HILPDA: variants seen among roughly 807,000 people sequenced by gnomAD.
The protein encoded by HILPDA is hypoxia inducible lipid droplet associated, also known as hypoxia-inducible lipid droplet-associated protein.
For missense variants in HILPDA, 72 were observed against 73.5 expected (o/e 0.98, Z 0.08); for synonymous variants, 37 against 33.2 (o/e 1.12, Z -0.40).
chr7:128,456,188 A>G (rs1016376202), intron 1 of HILPDA, 165 bp downstream of exon 1: 8 of 338,736 alleles, frequency 2.4e-5, no homozygotes, highest in Non-Finnish European at 4.1e-5. Flanking sequence ...GTTTTGTCCT[A>G]AGGTGGTCCT....
In HILPDA at chr7:128,457,343, G is replaced by A. The variant is rs759280420; in HGVS notation, c.75G>A (p.Glu25=). The A allele has an allele frequency of 1.2e-5, 19 of 1,613,930 alleles. No homozygotes were observed. Among genetic ancestry groups the A allele is most frequent in the Non-Finnish European group, 1.5e-5 (18 of 1,179,970 alleles). The change falls in exon 2 of 2, where the codon GAG becomes GAA. Residue 25 remains glutamate, a synonymous_variant. Transcript: ENST00000257696. ...TLLSIFVRVM[E]SLEGLLESPS... ...TCTCCATCTTCGTTAGAGTGATGGA[G>A]TCCCTAGAGGGCTTACTAGAGAGCC...
Position 128,458,334 on chromosome 7 carries a change from A to C in HILPDA, c.*874A>C, listed in dbSNP as rs1337394792. 6.0e-6 allele frequency: 1 copy of C among 167,122 alleles called. No homozygotes were observed. Among genetic ancestry groups the C allele is most frequent in the Non-Finnish European group, 1.5e-5 (1 of 68,142 alleles). The allele number at this position is 167,122 out of a possible 1,614,324, so 10.4% of individuals were successfully genotyped here. Reference sequence around the variant, plus strand: ...GGTCTGAAGGGGGTGGTGGGATGCCAAAGCCTGCTCAAGTTATGGACATTG... The same window carrying C: ...GGTCTGAAGGGGGTGGTGGGATGCCCAAGCCTGCTCAAGTTATGGACATTG... On this transcript the variant is annotated 3_prime_UTR_variant, in exon 2 of 2. Transcript: ENST00000257696.
chr7:128,456,261 C>T (rs188526956), intron 1 of HILPDA: 77 of 303,756 alleles, frequency 2.5e-4, no homozygotes, highest in Admixed American at 7.9e-4. Context: ...CCTGCCATGC[C>T]CTCCCAGAGC....
chr7:128,457,313 C>T lies in HILPDA; in HGVS notation c.45C>T (p.Thr15=). The T allele has an allele frequency of 6.2e-7, 1 of 1,613,990 alleles. No homozygotes were observed. Residue 15 remains threonine, a synonymous_variant, in exon 2 of 2, where the codon ACC becomes ACT. Transcript: ENST00000257696. ...TCTACCTGTTAGGTGTGGTACTGAC[C>T]CTACTCTCCATCTTCGTTAGAGTGA... ...LNLYLLGVVL[T]LLSIFVRVME...
Position 128,458,293 on chromosome 7 carries a change from C to T in HILPDA, c.*833C>T, listed in dbSNP as rs969056200. ...ATTTTACATTTTAAAGTCGTTCCTC[C>T]AACATAGTGTGTATTGGTCTGAAGG... On this transcript the variant is annotated 3_prime_UTR_variant, in exon 2 of 2. Coordinates refer to ENST00000257696, the MANE Select transcript of HILPDA (RefSeq NM_013332.4). 1.2e-5 allele frequency: 2 copies of T among 167,044 alleles called. No individual in the cohort carries two copies. The highest frequency in any genetic ancestry group is 4.8e-5 in the African/African-American group (2 of 41,414). 10.3% of individuals were successfully genotyped at this position (167,044 alleles called of 1,614,324 possible). A position where few individuals can be genotyped will look rare whatever the true frequency, so the allele number is the denominator to read the frequency against.
chr7:128,457,434 C>T lies in HILPDA; in HGVS notation c.166C>T (p.Pro56Ser). The change falls in exon 2 of 2, where the codon CCA becomes TCA. Residue 56 changes from proline (P) to serine (S), a missense_variant. Coordinates refer to ENST00000257696, the MANE Select transcript of HILPDA (RefSeq NM_013332.4). ...LANTEPTKGL[P>S]DHPSRSM is the part of the protein sequence containing the mutation. ...CAACACAGAGCCCACCAAGGGCCTTCCAGACCATCCATCCAGAAGCATGTG... is the reference window on the plus strand; with the variant it reads ...CAACACAGAGCCCACCAAGGGCCTTTCAGACCATCCATCCAGAAGCATGTG... 6.2e-7 allele frequency: 1 copy of T among 1,614,184 alleles called. No homozygotes were observed. Among genetic ancestry groups the T allele is most frequent in the Non-Finnish European group, 8.5e-7 (1 of 1,180,012 alleles).
At position 128,457,381 on chromosome 7, in the gene HILPDA, C is replaced by G; in HGVS notation, c.113C>G (p.Thr38Ser). Residue 38 changes from threonine (T) to serine (S), a missense_variant, in exon 2 of 2, where the codon ACC (threonine) becomes AGC (serine). Physicochemically the swap from Thr to Ser is moderately conservative, Grantham distance 58. Transcript: ENST00000257696. The part of the protein sequence containing the change: ...EGLLESPSPG[T>S]SWTTRSQLAN... ...TTACTAGAGAGCCCATCGCCTGGGA[C>G]CTCCTGGACCACCAGAAGCCAACTA... The G allele has an allele frequency of 6.2e-7, 1 of 1,614,130 alleles. No homozygotes were observed. Among genetic ancestry groups the G allele is most frequent in the South Asian group, 1.1e-5 (1 of 91,074 alleles).
chr7:128,455,900 T>C lies in HILPDA; in HGVS notation c.-192T>C, dbSNP rs894428627. 3 of 456,600 alleles carry C rather than the reference T, an allele frequency of 6.6e-6. No individual in the cohort carries two copies. The highest frequency in any genetic ancestry group is 1.3e-5 in the Non-Finnish European group (3 of 226,966). 28.3% of individuals were successfully genotyped at this position (456,600 alleles called of 1,614,324 possible). A position where few individuals can be genotyped will look rare whatever the true frequency, so the allele number is the denominator to read the frequency against. On this transcript the variant is annotated 5_prime_UTR_variant, in exon 1 of 2. Transcript: ENST00000257696. ...TCTGCGCTCTGCGGCTGACGGCGCT[T>C]TTGTCTCCGGTGAGTTTTGTGGCGG...
At chr7:128,456,444 T>G (rs2116813375) in intron 1 of HILPDA, 1 of 157,224 alleles carries the variant, frequency 6.4e-6, no homozygotes, top group Non-Finnish European at 1.4e-5. Flanking sequence ...CTCATAGAGT[T>G]ATTTGGACTT....
Position 128,457,739 on chromosome 7 carries a change from C to T in HILPDA, c.*279C>T. 1 of 277,182 alleles carries T rather than the reference C, an allele frequency of 3.6e-6. No homozygotes were observed. The allele number at this position is 277,182 out of a possible 1,614,324, so 17.2% of individuals were successfully genotyped here. ...CCAGCCTCGCCAACATGGCGAAACC[C>T]CATCTCTACTAAAAATACAAAAGTT... On this transcript the variant is annotated 3_prime_UTR_variant, in exon 2 of 2. Coordinates refer to ENST00000257696, the MANE Select transcript of HILPDA (RefSeq NM_013332.4).
In HILPDA at chr7:128,457,635, G is replaced by A. The variant is rs1182669862; in HGVS notation, c.*175G>A. 4.8e-6 allele frequency: 3 copies of A among 631,416 alleles called. No homozygotes were observed. In the African/African-American group the frequency reaches 5.5e-5, roughly 12 times the overall value. 39.1% of individuals were successfully genotyped at this position (631,416 alleles called of 1,614,324 possible). ...GCCTGGGCAAGGCCTGTTTAGGCCG[G>A]TTGCGGTGGCTCATGCCTGTAATCC... On this transcript the variant is annotated 3_prime_UTR_variant, in exon 2 of 2. Transcript: ENST00000257696.
chr7:128,457,568 T>A lies in HILPDA; in HGVS notation c.*108T>A. ...CTGAGCACCGTTGTAACCAGAGAACTATTACTAGGCCTTGAAGAACCTGTC... is the reference window on the plus strand; with the variant it reads ...CTGAGCACCGTTGTAACCAGAGAACAATTACTAGGCCTTGAAGAACCTGTC... On this transcript the variant is annotated 3_prime_UTR_variant, in exon 2 of 2. Transcript: ENST00000257696. 9.5e-7 allele frequency: 1 copy of A among 1,057,398 alleles called. No homozygotes were observed. Among genetic ancestry groups the A allele is most frequent in the Non-Finnish European group, 1.4e-6 (1 of 705,710 alleles). 65.5% of individuals were successfully genotyped at this position (1,057,398 alleles called of 1,614,324 possible).
In HILPDA at chr7:128,455,917, T is replaced by G. The variant is rs1799532941; in HGVS notation, c.-175T>G. 2.2e-6 allele frequency: 1 copy of G among 456,570 alleles called. No individual in the cohort carries two copies. The highest frequency in any genetic ancestry group is 4.4e-6 in the Non-Finnish European group (1 of 226,956). The allele number at this position is 456,570 out of a possible 1,614,324, so 28.3% of individuals were successfully genotyped here. On this transcript the variant is annotated 5_prime_UTR_variant, in exon 1 of 2. Coordinates refer to ENST00000257696, the MANE Select transcript of HILPDA (RefSeq NM_013332.4). ...ACGGCGCTTTTGTCTCCGGTGAGTT[T>G]TGTGGCGGGAAGCTTCTGCGCTGGT...
At chr7:128,456,422 A>G (rs1206941860) in intron 1 of HILPDA, 1 of 163,174 alleles carries the variant, frequency 6.1e-6, no homozygotes, top group Non-Finnish European at 1.3e-5. Context: ...AATGAACTTG[A>G]TAGATTTGAC....
At position 128,457,469 on chromosome 7, in the gene HILPDA, C is replaced by T; in HGVS notation, c.*9C>T. The T allele has an allele frequency of 1.2e-6, 2 of 1,613,480 alleles. No homozygotes were observed. The highest frequency in any genetic ancestry group is 8.5e-7 in the Non-Finnish European group (1 of 1,179,520). The stretch of plus-strand genomic sequence containing the variant: ...CATCCAGAAGCATGTGATAAGACCT[C>T]CTTCCATACTGGCCATATTTTGGAA... On this transcript the variant is annotated 3_prime_UTR_variant, in exon 2 of 2. Coordinates refer to ENST00000257696, the MANE Select transcript of HILPDA (RefSeq NM_013332.4).
Position 128,455,886 on chromosome 7 carries a change from C to T in HILPDA, c.-206C>T, listed in dbSNP as rs1361525436. 4 of 456,596 alleles carry T rather than the reference C, an allele frequency of 8.8e-6. No individual in the cohort carries two copies. In the East Asian group the frequency reaches 2.1e-4, roughly 24 times the overall value. 28.3% of individuals were successfully genotyped at this position (456,596 alleles called of 1,614,324 possible). A position where few individuals can be genotyped will look rare whatever the true frequency, so the allele number is the denominator to read the frequency against. ...CTGGGCGGCGTTGCTCTGCGCTCTGCGGCTGACGGCGCTTTTGTCTCCGGT... is the reference window on the plus strand; with the variant it reads ...CTGGGCGGCGTTGCTCTGCGCTCTGTGGCTGACGGCGCTTTTGTCTCCGGT... On this transcript the variant is annotated 5_prime_UTR_variant, in exon 1 of 2. Transcript: ENST00000257696.
At chr7:128,456,143 G>T in intron 1 of HILPDA, 120 bp downstream of exon 1, 1 of 365,766 alleles carries the variant, frequency 2.7e-6, no homozygotes, top group South Asian at 2.0e-5. Context: ...GATCGCCCAC[G>T]CCCCATCTGG....
Position 128,457,784 on chromosome 7 carries a change from G to T in HILPDA, c.*324G>T. On this transcript the variant is annotated 3_prime_UTR_variant, in exon 2 of 2. Transcript: ENST00000257696. ...AAAGTTAGCTGGGTGTGGTGGCAGA[G>T]GCCTGTAATCCCAGCTCCTTGGGAG... The T allele has an allele frequency of 3.9e-6, 1 of 255,696 alleles. No homozygotes were observed. 15.8% of individuals were successfully genotyped at this position (255,696 alleles called of 1,614,324 possible).
At position 128,458,076 on chromosome 7, in the gene HILPDA, G is replaced by C. The variant is rs1799570671; in HGVS notation, c.*616G>C. On this transcript the variant is annotated 3_prime_UTR_variant, in exon 2 of 2. Coordinates refer to ENST00000257696, the MANE Select transcript of HILPDA (RefSeq NM_013332.4). Reference sequence around the variant, plus strand: ...TAGATGTCCCAACTTCAGCTGTTGGGAGATGGTGATATTTTCAACCCTACT... The same window carrying C: ...TAGATGTCCCAACTTCAGCTGTTGGCAGATGGTGATATTTTCAACCCTACT... 1 of 167,548 alleles carries C rather than the reference G, an allele frequency of 6.0e-6. No homozygotes were observed. The highest frequency in any genetic ancestry group is 6.5e-5 in the Admixed American group (1 of 15,294). The allele number at this position is 167,548 out of a possible 1,614,324, so 10.4% of individuals were successfully genotyped here. A position where few individuals can be genotyped will look rare whatever the true frequency, so the allele number is the denominator to read the frequency against.
Sources: allele counts gnomAD v4.1 joint callset, GRCh38; gene constraint gnomAD v4.1.1; transcripts MANE v1.5; gene names NCBI Gene and HGNC (gene_info 2026-07-23, HGNC 2026-07-21).